TIAM1: variants seen among roughly 807,000 people sequenced by gnomAD.
The protein encoded by TIAM1 is rho guanine nucleotide exchange factor TIAM1.
TIAM1 carries 65 observed loss-of-function variants against 163.5 expected under a neutral mutation model. The observed-to-expected ratio is 0.40, with a 90% CI of 0.33 to 0.49. The LOEUF (loss-of-function observed/expected upper bound fraction) is 0.49. TIAM1 is among the 20% of genes least tolerant of loss of function. TIAM1 has a pLI of 0.77. For missense variants in TIAM1, 1,789 were observed against 2,044.7 expected, an observed-to-expected ratio of 0.87 and a Z score of 2.41; for synonymous variants, 833 against 810.1, an observed-to-expected ratio of 1.03 and a Z score of -0.48.
chr21:31,291,334 A>G (rs895751930), intron 2 of TIAM1, among the ~76,000 whole-genome samples: 2 of 152,178 alleles, frequency 1.3e-5, no homozygotes, highest in African/African-American at 2.4e-5. Context: ...AACAACAACA[A>G]AAAAGCTTAA....
intron 6 of TIAM1, among the ~76,000 whole-genome samples, chr21:31,228,640 T>G (rs2088203211): frequency 6.6e-6 from 1 of 152,224 alleles, no homozygotes; most frequent in Non-Finnish European, 1.5e-5. Flanking sequence ...GATTAACACA[T>G]ATAAACTGGG....
chr21:31,482,570 G>A (rs139826860), intron 1 of TIAM1, among the ~76,000 whole-genome samples: 2 of 152,314 alleles, frequency 1.3e-5, no homozygotes, highest in Non-Finnish European at 2.9e-5. Flanking sequence ...TGGCTCTGAG[G>A]CAGTACCAGT....
rs142283966 is a variant in TIAM1 at position 31,417,923 on chromosome 21, GGAGA to G, written c.-369+46056_-369+46059del. ...CCATATGAATGAGCAACAGCTGAGTGGAGAGAGAGAGAAATTGAAGATGGGAAGG... is the reference window on the plus strand; with the variant it reads ...CCATATGAATGAGCAACAGCTGAGTGGAGAGAGAAATTGAAGATGGGAAGG... On this transcript the variant is annotated intron_variant, in intron 2 of 28. Coordinates refer to the TIAM1 transcript ENST00000286827. Among the ~76,000 whole-genome samples, 890 of 152,218 alleles carry G rather than the reference GGAGA, an allele frequency of 5.8e-3. 12 individuals carry two copies. The highest frequency in any genetic ancestry group is 0.02 in the African/African-American group (817 of 41,546).
At chr21:31,401,090 A>C (rs1602190226) in intron 2 of TIAM1, among the ~76,000 whole-genome samples, 5 of 152,266 alleles carry the variant, frequency 3.3e-5, no homozygotes, top group Admixed American at 3.3e-4. Flanking sequence ...ATAAATAAAT[A>C]AATAAAGTGG....
chr21:31,207,041 C>A (rs1246563539), intron 11 of TIAM1, among the ~76,000 whole-genome samples: 2 of 152,116 alleles, frequency 1.3e-5, no homozygotes, highest in East Asian at 3.8e-4. Flanking sequence ...TATAGCATAT[C>A]CAAAGCCACA....
intron 20 of TIAM1, among the ~76,000 whole-genome samples, chr21:31,142,258 T>C (rs73191642): frequency 0.052 from 7,969 of 152,114 alleles, 274 homozygotes; most frequent in Non-Finnish European, 0.076. Flanking sequence ...ACCTACATTC[T>C]GAACACTCCT....
chr21:31,528,828 T>TA (rs35640976), intron 1 of TIAM1, among the ~76,000 whole-genome samples: 505 of 148,278 alleles, frequency 3.4e-3, no homozygotes, highest in Non-Finnish European at 6.1e-3. Context: ...ACAAACAAAT[T>TA]AAAAAAAAAA....
chr21:31,201,999 TC>T (rs200861562), intron 12 of TIAM1, among the ~76,000 whole-genome samples: 7 of 152,068 alleles, frequency 4.6e-5, no homozygotes, highest in Non-Finnish European at 4.4e-5. Flanking sequence ...CATTTTTTTT[TC>T]TTGGCTAGTT....
intron 3 of TIAM1, among the ~76,000 whole-genome samples, chr21:31,274,015 G>C (rs575691224): frequency 2.6e-5 from 4 of 152,082 alleles, no homozygotes; most frequent in Admixed American, 1.3e-4. Flanking sequence ...TCAGGAGTTC[G>C]AGACCAGCCT....
At chr21:31,197,687 T>C (rs2085948416) in intron 12 of TIAM1, among the ~76,000 whole-genome samples, 1 of 152,162 alleles carries the variant, frequency 6.6e-6, no homozygotes, top group South Asian at 2.1e-4. Flanking sequence ...CGTTTTCTTA[T>C]GTCAAGATCT....
At chr21:31,228,241 A>ATCTGAT (rs1569068860) in intron 6 of TIAM1, among the ~76,000 whole-genome samples, 1 of 46,728 alleles carries the variant, frequency 2.1e-5, no homozygotes, top group Admixed American at 3.4e-4. Flanking sequence ...AAAAAAAAAA[A>ATCTGAT]AAAAAAAAAA....
At chr21:31,321,531 T>A (rs1336627602) in intron 2 of TIAM1, among the ~76,000 whole-genome samples, 1 of 122,382 alleles carries the variant, frequency 8.2e-6, no homozygotes, top group African/African-American at 3.2e-5. Context: ...ATTGTATTTT[T>A]AGTAGAGATG....
chr21:31,523,290 C>T (rs1207862467), intron 1 of TIAM1, among the ~76,000 whole-genome samples: 4 of 152,094 alleles, frequency 2.6e-5, no homozygotes, highest in Middle Eastern at 3.2e-3. Flanking sequence ...CTGAATAGTT[C>T]AATGCTTTTG....
chr21:31,360,632 G>A lies in TIAM1; in HGVS notation c.-368-21210C>T, dbSNP rs543122021. On this transcript the variant is annotated intron_variant, in intron 2 of 28. Transcript: ENST00000286827. ...AGCCACACGGTGAGACAATGTTTGC[G>A]ACTCATGCAACTGACAAGGAGATAT... 1.5e-4 allele frequency among the ~76,000 whole-genome samples: 23 copies of A among 152,162 alleles called. 1 individual carries two copies. In the South Asian group the frequency reaches 4.4e-3, roughly 29 times the overall value.
chr21:31,450,861 T>C (rs1253913133), intron 2 of TIAM1, among the ~76,000 whole-genome samples: 1 of 152,138 alleles, frequency 6.6e-6, no homozygotes, highest in African/African-American at 2.4e-5. Flanking sequence ...GCCACCTCCA[T>C]GATTCAATTA....
At chr21:31,421,509 G>A (rs997737834) in intron 2 of TIAM1, among the ~76,000 whole-genome samples, 1 of 152,222 alleles carries the variant, frequency 6.6e-6, no homozygotes, top group African/African-American at 2.4e-5. Context: ...TCTCATAGGA[G>A]CATGAACCCT....
At chr21:31,528,966 G>A (rs1454647611) in intron 1 of TIAM1, among the ~76,000 whole-genome samples, 1 of 139,958 alleles carries the variant, frequency 7.1e-6, no homozygotes, top group Non-Finnish European at 1.5e-5. Flanking sequence ...CAGTCGCCCA[G>A]GCTGGAGTGC....
At chr21:31,523,228 G>A (rs560223792) in intron 1 of TIAM1, among the ~76,000 whole-genome samples, 2 of 152,276 alleles carry the variant, frequency 1.3e-5, no homozygotes, top group South Asian at 4.1e-4. Flanking sequence ...ACATAAAAAG[G>A]ATGCCCTGAA....
At chr21:31,224,990 CTAGATAGA>C (rs539664968) in intron 7 of TIAM1, among the ~76,000 whole-genome samples, 1 of 151,694 alleles carries the variant, frequency 6.6e-6, no homozygotes, top group Non-Finnish European at 1.5e-5. Context: ...ATATCTAGAT[CTAGATAGA>C]TAGATAGATA....
Sources: allele counts gnomAD v4.1 joint callset (sites outside exome capture counted in the v4.1 genomes callset), GRCh38; gene constraint gnomAD v4.1.1; transcripts MANE v1.5; gene names NCBI Gene and HGNC (gene_info 2026-07-23, HGNC 2026-07-21).